Variants in TENM3 observed in about 807,000 individuals in gnomAD.
TENM3 encodes teneurin transmembrane protein 3.
TENM3 carries 63 observed loss-of-function variants against 255.1 expected under a neutral mutation model. The ratio of observed to expected loss-of-function variants is 0.25; its 90% confidence interval spans 0.20 to 0.30. TENM3 has a LOEUF of 0.30. Ranked by LOEUF, TENM3 falls within the 10% of genes least tolerant of loss-of-function variation. The pLI, the probability that TENM3 is intolerant of heterozygous loss-of-function variation, is 1.00. For missense variants in TENM3, 2,929 were observed against 3,461.1 expected, an observed-to-expected ratio of 0.85 and a Z score of 3.86; for synonymous variants, 1,306 against 1,322.3, an observed-to-expected ratio of 0.99 and a Z score of 0.27.
chr4:182,213,142 C>G (rs894626235), intron 1 of TENM3, among the ~76,000 whole-genome samples: 5 of 152,154 alleles, frequency 3.3e-5, no homozygotes, highest in African/African-American at 1.2e-4. Context: ...AACTGGCAGT[C>G]CTATTATAAG....
the TENM3 span, among the ~76,000 whole-genome samples, chr4:182,067,081 T>C: frequency 6.6e-6 from 1 of 152,176 alleles, no homozygotes; most frequent in Non-Finnish European, 1.5e-5. Flanking sequence ...GGGTCCTTTC[T>C]GTCTTTCCCC....
chr4:181,869,547 T>A, the TENM3 span, among the ~76,000 whole-genome samples: 1 of 152,122 alleles, frequency 6.6e-6, no homozygotes, highest in African/African-American at 2.4e-5. Flanking sequence ...GGATACACCC[T>A]TCTCCATGAT....
chr4:181,962,930 G>A, the TENM3 span, among the ~76,000 whole-genome samples: 1 of 152,146 alleles, frequency 6.6e-6, no homozygotes, highest in Non-Finnish European at 1.5e-5. Context: ...ATTAGTGAGT[G>A]GTTTTCTTTA....
chr4:181,529,680 G>A, the TENM3 span, among the ~76,000 whole-genome samples: 1 of 152,150 alleles, frequency 6.6e-6, no homozygotes, highest in Non-Finnish European at 1.5e-5. Context: ...ATAACATGAG[G>A]CCACAAGTAT....
At chr4:181,482,865 G>A in the TENM3 span, among the ~76,000 whole-genome samples, 1 of 152,154 alleles carries the variant, frequency 6.6e-6, no homozygotes, top group African/African-American at 2.4e-5. Flanking sequence ...ATGGAAGGAA[G>A]ACACAGGCCA....
At chr4:182,662,292 G>GA (rs903569383) in intron 6 of TENM3, among the ~76,000 whole-genome samples, 4 of 152,042 alleles carry the variant, frequency 2.6e-5, no homozygotes, top group African/African-American at 7.2e-5. Context: ...ACTGATGAAA[G>GA]AAAAAAATCA....
chr4:181,521,041 C>T, the TENM3 span, among the ~76,000 whole-genome samples: 1 of 148,848 alleles, frequency 6.7e-6, no homozygotes, highest in Admixed American at 6.6e-5. Flanking sequence ...AGCTCTCAGC[C>T]ACTCAGCAAT....
At chr4:182,027,172 A>G in the TENM3 span, among the ~76,000 whole-genome samples, 1 of 151,942 alleles carries the variant, frequency 6.6e-6, no homozygotes, top group Non-Finnish European at 1.5e-5. Flanking sequence ...TTAGGTATTT[A>G]ATTTTATTGA....
At chr4:182,564,317 A>G (rs573911211) in intron 3 of TENM3, among the ~76,000 whole-genome samples, 27 of 151,980 alleles carry the variant, frequency 1.8e-4, no homozygotes, top group African/African-American at 6.3e-4. Flanking sequence ...AAAAAAAAAA[A>G]AAGAAATTGT....
chr4:181,716,433 C>G, the TENM3 span, among the ~76,000 whole-genome samples: 1 of 152,108 alleles, frequency 6.6e-6, no homozygotes, highest in Non-Finnish European at 1.5e-5. Flanking sequence ...ACATGTAGTA[C>G]CTACCTCAAT....
intron 3 of TENM3, among the ~76,000 whole-genome samples, chr4:182,448,493 G>A (rs1164403172): frequency 1.3e-5 from 2 of 152,224 alleles, no homozygotes; most frequent in Non-Finnish European, 2.9e-5. Flanking sequence ...CCTCGGATGC[G>A]GGACGCATGA....
At chr4:182,674,123 A>G (rs1487693062) in intron 7 of TENM3, among the ~76,000 whole-genome samples, 2 of 152,236 alleles carry the variant, frequency 1.3e-5, no homozygotes, top group Non-Finnish European at 2.9e-5. Flanking sequence ...GGATGAGCCT[A>G]AAGTTATATT....
chr4:182,484,576 C>T (rs753343818), intron 3 of TENM3, among the ~76,000 whole-genome samples: 21 of 151,968 alleles, frequency 1.4e-4, no homozygotes, highest in Non-Finnish European at 2.4e-4. Context: ...TGATTGTGTG[C>T]CTACCTATGA....
intron 3 of TENM3, among the ~76,000 whole-genome samples, chr4:182,595,502 T>C (rs921995208): frequency 3.9e-5 from 6 of 152,184 alleles, no homozygotes; most frequent in Non-Finnish European, 8.8e-5. Flanking sequence ...CCGCAGTCTT[T>C]ATTATCTAAT....
the TENM3 span, among the ~76,000 whole-genome samples, chr4:181,553,535 G>A: frequency 7.9e-5 from 12 of 151,696 alleles, no homozygotes; most frequent in Admixed American, 4.6e-4. Context: ...TCCGCCTCCC[G>A]GGTTCACGTC....
the TENM3 span, among the ~76,000 whole-genome samples, chr4:182,072,953 C>A: frequency 2.0e-5 from 3 of 152,082 alleles, no homozygotes; most frequent in African/African-American, 7.2e-5. Context: ...AGCCCTAATC[C>A]AATAGGACTG....
At chr4:181,735,196 T>A in the TENM3 span, among the ~76,000 whole-genome samples, 1 of 152,260 alleles carries the variant, frequency 6.6e-6, no homozygotes, top group Non-Finnish European at 1.5e-5. Context: ...AAGCAGTTAT[T>A]TTCATTCAAA....
chr4:181,804,143 GGAGGAACC>G, the TENM3 span, among the ~76,000 whole-genome samples: 1 of 146,624 alleles, frequency 6.8e-6, no homozygotes, highest in Non-Finnish European at 1.5e-5. Flanking sequence ...AGGGAGGGAG[GGAGGAACC>G]AAGGAAGGAA....
chr4:182,047,928 C>T, the TENM3 span, among the ~76,000 whole-genome samples: 3 of 152,076 alleles, frequency 2.0e-5, no homozygotes, highest in South Asian at 4.1e-4. Context: ...AAATGTCATA[C>T]CAAATGAGCT....
Sources: gnomAD v4.1 joint callset for allele counts (sites outside exome capture counted in the v4.1 genomes callset) on GRCh38, gnomAD v4.1.1 for gene constraint, MANE v1.5 for transcripts, NCBI Gene and HGNC (gene_info 2026-07-23, HGNC 2026-07-21) for gene names.